The following AGBL3 variants were observed in gnomAD, a reference collection of about 807,000 sequenced individuals.
The protein encoded by AGBL3 is AGBL carboxypeptidase 3.
A neutral mutation model predicts 94.5 loss-of-function variants in AGBL3; 68 were observed. The ratio of observed to expected loss-of-function variants is 0.72; its 90% confidence interval spans 0.59 to 0.88. The LOEUF is 0.88. Among genes scored for constraint, AGBL3 ranks in the 40% least tolerant of loss-of-function variants. The probability of loss-of-function intolerance (pLI) is 0.00; values close to 1 mark genes in which losing one functional copy is unlikely to be tolerated. For synonymous variants in AGBL3, 354 were observed against 370.7 expected (o/e 0.95, Z 0.52); for missense variants, 934 against 1,103.8 (o/e 0.85, Z 2.18).
At position 134,992,962 on chromosome 7, in the gene AGBL3, A is replaced by G. The variant is rs573620093; in HGVS notation, c.125-531A>G. On this transcript the variant is annotated intron_variant, in intron 3 of 16. Coordinates refer to ENST00000436302, the MANE Select transcript of AGBL3 (RefSeq NM_178563.4). Reference sequence around the variant, plus strand: ...CATCAACGTCAAATTGATGCCGTACAGTATCACACCAAAACACCAGATCAC... The same window carrying G: ...CATCAACGTCAAATTGATGCCGTACGGTATCACACCAAAACACCAGATCAC... Among the ~76,000 whole-genome samples, 75 of 152,356 alleles carry G rather than the reference A, an allele frequency of 4.9e-4. 2 individuals are homozygous for G. In the Middle Eastern group the frequency reaches 0.01, roughly 21 times the overall value.
intron 11 of AGBL3, among the ~76,000 whole-genome samples, chr7:135,050,380 G>A (rs1453087936): frequency 6.7e-6 from 1 of 149,320 alleles, no homozygotes; most frequent in Non-Finnish European, 1.5e-5. Context: ...ACAATGTTCT[G>A]TATATGTCTG....
intron 12 of AGBL3, among the ~76,000 whole-genome samples, chr7:135,063,912 C>G (rs1819053937): frequency 6.6e-6 from 1 of 152,150 alleles, no homozygotes; most frequent in South Asian, 2.1e-4. Flanking sequence ...CTGAACTAAT[C>G]AGAAATCAGC....
intron 15 of AGBL3, among the ~76,000 whole-genome samples, chr7:135,085,781 C>T: frequency 6.6e-6 from 1 of 152,014 alleles, no homozygotes; most frequent in African/African-American, 2.4e-5. Context: ...AGTGTGATGC[C>T]TCCAGCTTTA....
chr7:135,065,295 C>T (rs1362730072), intron 12 of AGBL3, among the ~76,000 whole-genome samples: 2 of 152,150 alleles, frequency 1.3e-5, no homozygotes, highest in Non-Finnish European at 2.9e-5. Flanking sequence ...ATACCTATTT[C>T]AATGACATTT....
At chr7:135,118,083 C>G (rs771991245) in intron 16 of AGBL3, among the ~76,000 whole-genome samples, 3 of 152,162 alleles carry the variant, frequency 2.0e-5, no homozygotes, top group Non-Finnish European at 4.4e-5. Context: ...TTTCCTGAAG[C>G]CTGGCTGAAT....
chr7:134,988,218 A>G, intron 2 of AGBL3: 1 of 360,840 alleles, frequency 2.8e-6, no homozygotes, highest in East Asian at 5.4e-5. Flanking sequence ...TTGAGAAAAT[A>G]TTTTAGCTAA....
chr7:135,063,219 G>A (rs1056630443), intron 12 of AGBL3, among the ~76,000 whole-genome samples: 6 of 151,762 alleles, frequency 4.0e-5, no homozygotes, highest in African/African-American at 1.5e-4. Flanking sequence ...CATCTTTTCT[G>A]ACTTTATCTG....
In AGBL3 at chr7:135,013,487, A is replaced by T. The variant is rs548740597; in HGVS notation, c.311-3565A>T. On this transcript the variant is annotated intron_variant, in intron 4 of 16. Transcript: ENST00000436302. ...ATTAGAGAACAGTATACAGATGTTA[A>T]AAAATGATAAAGATCTATGTATATT... is the stretch of plus-strand genomic sequence containing the variant. 5.9e-5 allele frequency among the ~76,000 whole-genome samples: 9 copies of T among 152,346 alleles called. No homozygotes were observed. In the South Asian group the frequency reaches 1.9e-3, roughly 32 times the overall value.
intron 11 of AGBL3, among the ~76,000 whole-genome samples, chr7:135,048,967 G>C (rs1440842996): frequency 1.3e-5 from 2 of 151,620 alleles, no homozygotes; most frequent in Non-Finnish European, 3.0e-5. Flanking sequence ...TAGAGTAAAA[G>C]CCTTCAGTTT....
chr7:135,038,958 CAAA>C (rs34474456), intron 8 of AGBL3, among the ~76,000 whole-genome samples: 3 of 129,062 alleles, frequency 2.3e-5, no homozygotes, highest in African/African-American at 3.0e-5. Context: ...GACTTTGTCT[CAAA>C]AAAAAAAAAA....
intron 15 of AGBL3, chr7:135,094,533 C>G (rs1268664977): frequency 2.2e-6 from 1 of 456,670 alleles, no homozygotes; most frequent in South Asian, 1.5e-5. Context: ...ACTTTATCTT[C>G]AGGAATCCCA....
At chr7:135,080,947 C>CAG (rs1484919315) in intron 14 of AGBL3, among the ~76,000 whole-genome samples, 5 of 150,058 alleles carry the variant, frequency 3.3e-5, no homozygotes, top group Non-Finnish European at 7.5e-5. Context: ...TAATTACACA[C>CAG]ACACACACAC....
At chr7:135,070,192 G>C (rs1819753258) in intron 12 of AGBL3, among the ~76,000 whole-genome samples, 1 of 152,128 alleles carries the variant, frequency 6.6e-6, no homozygotes, top group South Asian at 2.1e-4. Flanking sequence ...TTGAATCTCT[G>C]GATAGACCAA....
chr7:135,125,056 A>G (rs543224348), intron 16 of AGBL3, among the ~76,000 whole-genome samples: 1 of 152,200 alleles, frequency 6.6e-6, no homozygotes. Flanking sequence ...AGATTAGAGC[A>G]GAATTGAAGG....
intron 5 of AGBL3, among the ~76,000 whole-genome samples, chr7:135,024,161 C>A (rs555351746): frequency 5.3e-5 from 8 of 152,114 alleles, no homozygotes; most frequent in Admixed American, 2.0e-4. Flanking sequence ...ACCTGGAACA[C>A]CTAACAACAA....
intron 4 of AGBL3, among the ~76,000 whole-genome samples, chr7:134,996,212 A>G (rs1202594044): frequency 1.3e-5 from 2 of 152,276 alleles, no homozygotes; most frequent in East Asian, 3.9e-4. Context: ...ATTCACACAC[A>G]TAGACTGCCT....
At chr7:135,058,306 C>G (rs962024689) in intron 11 of AGBL3, among the ~76,000 whole-genome samples, 3 of 151,896 alleles carry the variant, frequency 2.0e-5, no homozygotes, top group South Asian at 2.1e-4. Flanking sequence ...AAATACAACC[C>G]AGAAATATTT....
intron 8 of AGBL3, among the ~76,000 whole-genome samples, chr7:135,040,267 C>G (rs1382893781): frequency 6.6e-6 from 1 of 152,120 alleles, no homozygotes; most frequent in Non-Finnish European, 1.5e-5. Flanking sequence ...AATTTAAAGG[C>G]AATCTTTCCC....
At chr7:135,130,939 G>A (rs1198740631) in intron 16 of AGBL3, among the ~76,000 whole-genome samples, 4 of 152,128 alleles carry the variant, frequency 2.6e-5, no homozygotes, top group African/African-American at 9.7e-5. Context: ...TTTTGGAAAA[G>A]AGAACAGAAA....
Sources: gnomAD v4.1 joint callset for allele counts (sites outside exome capture counted in the v4.1 genomes callset) on GRCh38, gnomAD v4.1.1 for gene constraint, MANE v1.5 for transcripts, NCBI Gene and HGNC (gene_info 2026-07-23, HGNC 2026-07-21) for gene names.